The following OR1L1 variants were observed in gnomAD, a reference collection of about 807,000 sequenced individuals.
OR1L1 encodes olfactory receptor 1L1.
For missense variants in OR1L1, 367 were observed against 371.1 expected (o/e 0.99, Z 0.09); for synonymous variants, 132 against 139.1 (o/e 0.95, Z 0.36).
Position 122,662,358 on chromosome 9 carries a change from A to G in OR1L1, c.643A>G (p.Ile215Val). Residue 215 changes from isoleucine to valine, a missense_variant, in exon 1 of 1, where the codon ATC becomes GTC. Transcript: ENST00000309623. Reference sequence around the variant, plus strand: ...CATAATGACCCCGTTTTCATGCATCATCATCTCTTATTTAAGAATCCTCAT... The same window carrying G: ...CATAATGACCCCGTTTTCATGCATCGTCATCTCTTATTTAAGAATCCTCAT... Reference protein sequence around the residue: ...AVIMTPFSCIIISYLRILITV... With the variant: ...AVIMTPFSCIVISYLRILITV... The G allele has an allele frequency of 1.2e-6, 2 of 1,614,196 alleles. No homozygotes were observed. Among genetic ancestry groups the G allele is most frequent in the Non-Finnish European group, 1.7e-6 (2 of 1,180,038 alleles).
At position 122,662,647 on chromosome 9, in the gene OR1L1, A is replaced by G. The variant is rs1255666648; in HGVS notation, c.932A>G (p.Ter311=). 2.5e-6 allele frequency: 4 copies of G among 1,603,530 alleles called. No homozygotes were observed. The African/African-American group carries it at 5.3e-5, about 21-fold the overall frequency. The change falls in exon 1 of 1, where the codon TAA becomes TGA. Residue 311 remains the stop codon, a stop_retained_variant. Transcript: ENST00000309623. ...AKLMHRMKCQ[*] ...TTGATGCACAGGATGAAATGTCAGT[A>G]AAAGACCTAAGGTCTTAAGAGAATA...
At position 122,662,130 on chromosome 9, in the gene OR1L1, A is replaced by G. The variant is rs2118844455; in HGVS notation, c.415A>G (p.Arg139Gly). 6.2e-7 allele frequency: 1 copy of G among 1,614,056 alleles called. No individual in the cohort carries two copies. The highest frequency in any genetic ancestry group is 1.1e-5 in the South Asian group (1 of 91,084). ...CCACTACATCACCATTATGAGTCACAGATGCTGTGTCCTGCTTCTGGTTCT... is the reference window on the plus strand; with the variant it reads ...CCACTACATCACCATTATGAGTCACGGATGCTGTGTCCTGCTTCTGGTTCT... ...PFHYITIMSH[R>G]CCVLLLVLSF... The change falls in exon 1 of 1, where the codon AGA (arginine) becomes GGA (glycine). Residue 139 changes from arginine to glycine, a missense_variant. Coordinates refer to ENST00000309623, the MANE Select transcript of OR1L1 (RefSeq NM_001005236.3).
In OR1L1 at chr9:122,662,460, A is replaced by G. The variant is rs757969382; in HGVS notation, c.745A>G (p.Thr249Ala). Residue 249 changes from threonine to alanine, a missense_variant, in exon 1 of 1, where the codon ACC (threonine) becomes GCC (alanine). Physicochemically the swap from Thr to Ala is moderately conservative, Grantham distance 58. Coordinates refer to ENST00000309623, the MANE Select transcript of OR1L1 (RefSeq NM_001005236.3). Reference protein sequence around the residue: ...STCGSHLTVVTLFYGSISYLY... With the variant: ...STCGSHLTVVALFYGSISYLY... ...CTGTGGCTCTCATCTCACAGTGGTGACCCTGTTTTATGGAAGCATTAGCTA... is the reference window on the plus strand; with the variant it reads ...CTGTGGCTCTCATCTCACAGTGGTGGCCCTGTTTTATGGAAGCATTAGCTA... The G allele has an allele frequency of 1.2e-6, 2 of 1,614,040 alleles. No individual in the cohort carries two copies. The highest frequency in any genetic ancestry group is 2.2e-5 in the South Asian group (2 of 91,072).
rs1312859792 is a variant in OR1L1 at position 122,662,090 on chromosome 9, C to T, written c.375C>T (p.Ala125=). The T allele has an allele frequency of 6.2e-7, 1 of 1,614,020 alleles. No homozygotes were observed. The highest frequency in any genetic ancestry group is 8.5e-7 in the Non-Finnish European group (1 of 1,180,018). The stretch of plus-strand genomic sequence containing the variant: ...CCATGGCCATTGACCGCTATGTGGC[C>T]ATATGTAATCCCTTCCACTACATCA... ...LAAMAIDRYV[A]ICNPFHYITI... is the part of the protein sequence containing the mutation. The change falls in exon 1 of 1, where the codon GCC becomes GCT. Residue 125 remains alanine (A), a synonymous_variant. Coordinates refer to ENST00000309623, the MANE Select transcript of OR1L1 (RefSeq NM_001005236.3).
In OR1L1 at chr9:122,662,064, G is replaced by T. The variant is rs1411482389; in HGVS notation, c.349G>T (p.Ala117Ser). Residue 117 changes from alanine (A) to serine (S), a missense_variant, in exon 1 of 1, where the codon GCC becomes TCC. By Grantham distance (99) the Ala-to-Ser change is moderately conservative. Coordinates refer to ENST00000309623, the MANE Select transcript of OR1L1 (RefSeq NM_001005236.3). ...FGNTDSYLLAAMAIDRYVAIC... is the reference protein window; with the variant it reads ...FGNTDSYLLASMAIDRYVAIC... Reference sequence around the variant, plus strand: ...AAACACAGACAGTTACCTGCTAGCAGCCATGGCCATTGACCGCTATGTGGC... The same window carrying T: ...AAACACAGACAGTTACCTGCTAGCATCCATGGCCATTGACCGCTATGTGGC... 1 of 1,613,966 alleles carries T rather than the reference G, an allele frequency of 6.2e-7. No homozygotes were observed. Among genetic ancestry groups the T allele is most frequent in the Admixed American group, 1.7e-5 (1 of 60,022 alleles).
In OR1L1 at chr9:122,662,247, T is replaced by A. The variant is rs1217530385; in HGVS notation, c.532T>A (p.Phe178Ile). 1 of 1,613,970 alleles carries A rather than the reference T, an allele frequency of 6.2e-7. No individual in the cohort carries two copies. The highest frequency in any genetic ancestry group is 1.3e-5 in the African/African-American group (1 of 74,944). Residue 178 changes from phenylalanine to isoleucine, a missense_variant, in exon 1 of 1, where the codon TTC becomes ATC. By Grantham distance (21) the Phe-to-Ile change is conservative. Coordinates refer to ENST00000309623, the MANE Select transcript of OR1L1 (RefSeq NM_001005236.3). ...FCASNVIHHF[F>I]CDDQPVLKLS... ...TGCCTCAAATGTCATCCATCACTTT[T>A]TCTGCGATGATCAACCAGTGCTAAA... is the stretch of plus-strand genomic sequence containing the variant.
chr9:122,662,065 C>G lies in OR1L1; in HGVS notation c.350C>G (p.Ala117Gly). ...AACACAGACAGTTACCTGCTAGCAGCCATGGCCATTGACCGCTATGTGGCC... is the reference window on the plus strand; with the variant it reads ...AACACAGACAGTTACCTGCTAGCAGGCATGGCCATTGACCGCTATGTGGCC... Reference protein sequence around the residue: ...FGNTDSYLLAAMAIDRYVAIC... With the variant: ...FGNTDSYLLAGMAIDRYVAIC... Residue 117 changes from alanine (A) to glycine (G), a missense_variant, in exon 1 of 1, where the codon GCC becomes GGC. By Grantham distance (60) the Ala-to-Gly change is moderately conservative. Transcript: ENST00000309623. 1 of 1,613,970 alleles carries G rather than the reference C, an allele frequency of 6.2e-7. No homozygotes were observed. The highest frequency in any genetic ancestry group is 8.5e-7 in the Non-Finnish European group (1 of 1,179,956).
chr9:122,661,720 G>T lies in OR1L1; in HGVS notation c.5G>T (p.Gly2Val), dbSNP rs770742411. The change falls in exon 1 of 1, where the codon GGA becomes GTA. Residue 2 changes from glycine (G) to valine (V), a missense_variant. By Grantham distance (109) the Gly-to-Val change is moderately radical (BLOSUM62 -3). Transcript: ENST00000309623. M[G>V]RNNLTRPSEF... Reference sequence around the variant, plus strand: ...TCTTTAGGTGAACCCACAACTATGGGAAGAAATAACCTAACAAGACCCTCT... The same window carrying T: ...TCTTTAGGTGAACCCACAACTATGGTAAGAAATAACCTAACAAGACCCTCT... 4 of 1,613,882 alleles carry T rather than the reference G, an allele frequency of 2.5e-6. No individual in the cohort carries two copies. The South Asian group carries it at 4.4e-5, about 18-fold the overall frequency.
At position 122,662,003 on chromosome 9, in the gene OR1L1, GTGTC is replaced by G. The variant is rs771782440; in HGVS notation, c.291_294del (p.Cys97Ter). ...AGACAAAGACCATCTCTTACAGTGA[GTGTC>G]TGACCCAGATGTACTTTTTCTTAGC... On this transcript the variant is annotated frameshift_variant, in exon 1 of 1. Coordinates refer to ENST00000309623, the MANE Select transcript of OR1L1 (RefSeq NM_001005236.3). LOFTEE classifies it low-confidence loss of function (END_TRUNC). The G allele has an allele frequency of 6.2e-6, 10 of 1,614,202 alleles. No homozygotes were observed. In the African/African-American group the frequency reaches 1.2e-4, roughly 19 times the overall value.
chr9:122,662,179 A>T lies in OR1L1; in HGVS notation c.464A>T (p.His155Leu), dbSNP rs2118844612. Residue 155 changes from histidine (H) to leucine (L), a missense_variant, in exon 1 of 1, where the codon CAC becomes CTC. Transcript: ENST00000309623. ...CTCTCCTTCTGCATTCCACATTTTC[A>T]CTCCCTCCTGCACATTCTTCTGACT... ...LVLSFCIPHF[H>L]SLLHILLTNQ... 6.2e-7 allele frequency: 1 copy of T among 1,612,670 alleles called. No homozygotes were observed. Among genetic ancestry groups the T allele is most frequent in the Non-Finnish European group, 8.5e-7 (1 of 1,179,736 alleles).
rs565919715 is a variant in OR1L1, at chr9:122,662,604, A to C, written c.889A>C (p.Lys297Gln). ...CTATAGTCTGAGGAACAAAGACATG[A>C]AGCAGGGTTTGGCAAAGTTGATGCA... is the stretch of plus-strand genomic sequence containing the variant. ...FIYSLRNKDM[K>Q]QGLAKLMHRM... The change falls in exon 1 of 1, where the codon AAG becomes CAG. Residue 297 changes from lysine to glutamine, a missense_variant. Lys to Gln is a moderately conservative substitution (Grantham distance 53). Coordinates refer to ENST00000309623, the MANE Select transcript of OR1L1 (RefSeq NM_001005236.3). 6.2e-7 allele frequency: 1 copy of C among 1,612,558 alleles called. No individual in the cohort carries two copies. Among genetic ancestry groups the C allele is most frequent in the Non-Finnish European group, 8.5e-7 (1 of 1,179,994 alleles).
rs748944168 is a variant in OR1L1 at position 122,662,162 on chromosome 9, C to T, written c.447C>T (p.Phe149=). Reference sequence around the variant, plus strand: ...GTGTCCTGCTTCTGGTTCTCTCCTTCTGCATTCCACATTTTCACTCCCTCC... The same window carrying T: ...GTGTCCTGCTTCTGGTTCTCTCCTTTTGCATTCCACATTTTCACTCCCTCC... The part of the protein sequence containing the change: ...RCCVLLLVLS[F]CIPHFHSLLH... Residue 149 remains phenylalanine, a synonymous_variant, in exon 1 of 1, where the codon TTC becomes TTT. Transcript: ENST00000309623. 42 of 1,614,068 alleles carry T rather than the reference C, an allele frequency of 2.6e-5. 2 individuals carry two copies. In the South Asian group the frequency reaches 4.4e-4, roughly 17 times the overall value.
rs753134867 is a variant in OR1L1, at chr9:122,661,951, C to A, written c.236C>A (p.Pro79His). ...VDICYVTVII[P>H]KMLVNFLSET... ...ATTTGCTATGTGACAGTCATTATCC[C>A]TAAGATGCTGGTGAACTTCTTATCA... is the stretch of plus-strand genomic sequence containing the variant. Residue 79 changes from proline (P) to histidine (H), a missense_variant, in exon 1 of 1, where the codon CCT (proline) becomes CAT (histidine). Physicochemically the swap from Pro to His is moderately conservative, Grantham distance 77. Transcript: ENST00000309623. The A allele has an allele frequency of 6.2e-7, 1 of 1,614,196 alleles. No homozygotes were observed. Among genetic ancestry groups the A allele is most frequent in the South Asian group, 1.1e-5 (1 of 91,090 alleles).
chr9:122,661,937 G>C lies in OR1L1; in HGVS notation c.222G>C (p.Val74=), dbSNP rs1185752083. The C allele has an allele frequency of 4.3e-6, 7 of 1,614,018 alleles. No individual in the cohort carries two copies. Among genetic ancestry groups the C allele is most frequent in the Non-Finnish European group, 5.9e-6 (7 of 1,180,028 alleles). ...TGTCTTTTGTTGACATTTGCTATGTGACAGTCATTATCCCTAAGATGCTGG... is the reference window on the plus strand; with the variant it reads ...TGTCTTTTGTTGACATTTGCTATGTCACAGTCATTATCCCTAAGATGCTGG... ...SILSFVDICY[V]TVIIPKMLVN... The change falls in exon 1 of 1, where the codon GTG becomes GTC. Residue 74 remains valine (V), a synonymous_variant. Transcript: ENST00000309623.
In OR1L1 at chr9:122,662,363, C is replaced by T. The variant is rs1278702040; in HGVS notation, c.648C>T (p.Ile216=). 6.2e-7 allele frequency: 1 copy of T among 1,614,212 alleles called. No homozygotes were observed. Among genetic ancestry groups the T allele is most frequent in the Non-Finnish European group, 8.5e-7 (1 of 1,180,034 alleles). Residue 216 remains isoleucine (I), a synonymous_variant, in exon 1 of 1, where the codon ATC becomes ATT. Transcript: ENST00000309623. ...TGACCCCGTTTTCATGCATCATCAT[C>T]TCTTATTTAAGAATCCTCATCACTG... ...VIMTPFSCII[I]SYLRILITVL...
In OR1L1 at chr9:122,662,112, A is replaced by G. The variant is rs754923029; in HGVS notation, c.397A>G (p.Ile133Val). The G allele has an allele frequency of 2.5e-6, 4 of 1,613,896 alleles. No homozygotes were observed. The highest frequency in any genetic ancestry group is 3.4e-6 in the Non-Finnish European group (4 of 1,180,034). ...GGCCATATGTAATCCCTTCCACTAC[A>G]TCACCATTATGAGTCACAGATGCTG... ...YVAICNPFHYITIMSHRCCVL... is the reference protein window; with the variant it reads ...YVAICNPFHYVTIMSHRCCVL... The change falls in exon 1 of 1, where the codon ATC becomes GTC. Residue 133 changes from isoleucine (I) to valine (V), a missense_variant. Transcript: ENST00000309623.
rs1830520145 is a variant in OR1L1, at chr9:122,661,970, CTT to C, written c.256_257del (p.Leu86IlefsTer10). The C allele has an allele frequency of 6.2e-7, 1 of 1,614,090 alleles. No individual in the cohort carries two copies. Among genetic ancestry groups the C allele is most frequent in the Non-Finnish European group, 8.5e-7 (1 of 1,180,050 alleles). On this transcript the variant is annotated frameshift_variant, in exon 1 of 1. Transcript: ENST00000309623. LOFTEE classifies it low-confidence loss of function (END_TRUNC). ...TTATCCCTAAGATGCTGGTGAACTT[CTT>C]ATCAGAGACAAAGACCATCTCTTAC... ...VIIPKMLVNF[L>X]SETKTISYSE... is the part of the protein sequence containing the mutation.
rs16912055 is a variant in OR1L1 at position 122,662,010 on chromosome 9, A to T, written c.295A>T (p.Thr99Ser). 1 of 1,614,140 alleles carries T rather than the reference A, an allele frequency of 6.2e-7. No homozygotes were observed. The highest frequency in any genetic ancestry group is 8.5e-7 in the Non-Finnish European group (1 of 1,180,028). Residue 99 changes from threonine (T) to serine (S), a missense_variant, in exon 1 of 1, where the codon ACC becomes TCC. Coordinates refer to ENST00000309623, the MANE Select transcript of OR1L1 (RefSeq NM_001005236.3). The stretch of plus-strand genomic sequence containing the variant: ...GACCATCTCTTACAGTGAGTGTCTG[A>T]CCCAGATGTACTTTTTCTTAGCCTT... ...TKTISYSECL[T>S]QMYFFLAFGN...
In OR1L1 at chr9:122,662,372, A is replaced by G. The variant is rs1830525752; in HGVS notation, c.657A>G (p.Leu219=). 9 of 1,614,180 alleles carry G rather than the reference A, an allele frequency of 5.6e-6. No homozygotes were observed. Among genetic ancestry groups the G allele is most frequent in the Non-Finnish European group, 7.6e-6 (9 of 1,180,018 alleles). Residue 219 remains leucine (L), a synonymous_variant, in exon 1 of 1, where the codon TTA becomes TTG. Coordinates refer to ENST00000309623, the MANE Select transcript of OR1L1 (RefSeq NM_001005236.3). ...TPFSCIIISY[L]RILITVLKIP... is the part of the protein sequence containing the mutation. Reference sequence around the variant, plus strand: ...TTTCATGCATCATCATCTCTTATTTAAGAATCCTCATCACTGTTCTGAAGA... The same window carrying G: ...TTTCATGCATCATCATCTCTTATTTGAGAATCCTCATCACTGTTCTGAAGA...
Sources: allele counts gnomAD v4.1 joint callset, GRCh38; gene constraint gnomAD v4.1.1; transcripts MANE v1.5; gene names NCBI Gene and HGNC (gene_info 2026-07-23, HGNC 2026-07-21).